Variants in MAST4 observed in about 807,000 individuals in gnomAD.
The protein encoded by MAST4 is microtubule-associated serine/threonine-protein kinase 4.
In MAST4, 89 loss-of-function variants were observed where a neutral mutation model predicts 162.7. That is an observed-to-expected ratio of 0.55 (90% CI 0.46 to 0.65). MAST4 has a LOEUF of 0.65. MAST4 is among the 30% of genes least tolerant of loss of function. The pLI is 0.00. For missense variants in MAST4, 3,153 were observed against 3,374.0 expected, an observed-to-expected ratio of 0.93 and a Z score of 1.62; for synonymous variants, 1,479 against 1,361.1, an observed-to-expected ratio of 1.09 and a Z score of -1.91.
intron 16 of MAST4, among the ~76,000 whole-genome samples, chr5:67,132,811 A>AG (rs949654835): frequency 9.2e-5 from 14 of 152,094 alleles, no homozygotes; most frequent in Admixed American, 2.6e-4. Context: ...TGAAAAATGC[A>AG]GGGGAAAAAA....
At chr5:67,108,498 G>A (rs1765843956) in intron 10 of MAST4, among the ~76,000 whole-genome samples, 1 of 152,084 alleles carries the variant, frequency 6.6e-6, no homozygotes, top group African/African-American at 2.4e-5. Context: ...TTTAAAGACA[G>A]TTTCAATATT....
intron 3 of MAST4, among the ~76,000 whole-genome samples, chr5:66,844,929 G>A (rs943919655): frequency 1.3e-5 from 2 of 151,384 alleles, no homozygotes; most frequent in African/African-American, 4.9e-5. Flanking sequence ...GGAGAGAGAA[G>A]GATGCAAATG....
chr5:66,705,642 G>T (rs1750080581), intron 1 of MAST4, among the ~76,000 whole-genome samples: 1 of 152,042 alleles, frequency 6.6e-6, no homozygotes, highest in South Asian at 2.1e-4. Context: ...CCATATGCCT[G>T]GCACTTAACT....
chr5:66,603,317 G>A (rs1742670547), intron 1 of MAST4, among the ~76,000 whole-genome samples: 1 of 152,186 alleles, frequency 6.6e-6, no homozygotes, highest in Non-Finnish European at 1.5e-5. Flanking sequence ...CCTGTTCTTA[G>A]TGATCAGTTA....
intron 1 of MAST4, among the ~76,000 whole-genome samples, chr5:66,754,260 A>G (rs1753384073): frequency 6.6e-6 from 1 of 152,190 alleles, no homozygotes; most frequent in African/African-American, 2.4e-5. Flanking sequence ...TTGGACAAAT[A>G]TATATGCTAG....
At chr5:66,835,048 C>G (rs558586600) in intron 3 of MAST4, among the ~76,000 whole-genome samples, 2 of 152,168 alleles carry the variant, frequency 1.3e-5, no homozygotes, top group Non-Finnish European at 1.5e-5. Flanking sequence ...GCACCTACAC[C>G]ACCCATCTCT....
chr5:66,745,735 A>G (rs540567829), intron 1 of MAST4, among the ~76,000 whole-genome samples: 1 of 152,288 alleles, frequency 6.6e-6, no homozygotes, highest in Admixed American at 6.5e-5. Context: ...TGTTGTCTTA[A>G]TGGTTGTGGT....
chr5:67,165,709 A>T lies in MAST4; in HGVS notation c.6530A>T (p.Gln2177Leu), dbSNP rs773549953. ...PSTAEPSSSP[Q>L]DPPKPVAAHS... is the part of the protein sequence containing the mutation. ...ACTGCAGAGCCCAGCTCGAGCCCCC[A>T]GGACCCTCCCAAGCCTGTTGCTGCG... Residue 2177 changes from glutamine to leucine, a missense_variant, in exon 29 of 29, where the codon CAG becomes CTG. Gln to Leu is a moderately radical substitution (Grantham distance 113, BLOSUM62 -2). This residue lies in a region of MAST4 where 1,644 missense variants were observed against 1,495.0 expected (regional missense o/e 1.10). Transcript: ENST00000403625. 1 of 1,577,470 alleles carries T rather than the reference A, an allele frequency of 6.3e-7. No individual in the cohort carries two copies. The highest frequency in any genetic ancestry group is 1.4e-5 in the African/African-American group (1 of 73,800).
At chr5:67,044,837 G>C (rs1031660562) in intron 4 of MAST4, among the ~76,000 whole-genome samples, 2 of 152,122 alleles carry the variant, frequency 1.3e-5, no homozygotes, top group African/African-American at 4.8e-5. Flanking sequence ...ACTTGACTTC[G>C]ATCATTGTGT....
At chr5:66,783,293 CTT>C (rs907583934) in intron 2 of MAST4, 1 of 152,068 alleles carries the variant, frequency 6.6e-6, no homozygotes, top group African/African-American at 2.4e-5. Context: ...ATTTTTTAAG[CTT>C]ATATTTATTG....
intron 3 of MAST4, among the ~76,000 whole-genome samples, chr5:66,800,548 G>T (rs1350983195): frequency 6.6e-6 from 1 of 152,132 alleles, no homozygotes; most frequent in African/African-American, 2.4e-5. Context: ...GCTTGAGGGT[G>T]GAGGGTGGGA....
At chr5:66,620,710 C>T (rs938534794) in intron 1 of MAST4, among the ~76,000 whole-genome samples, 9 of 151,514 alleles carry the variant, frequency 5.9e-5, no homozygotes, top group Non-Finnish European at 1.0e-4. Context: ...ATCTTTTTTT[C>T]GTCCTGCCTC....
chr5:66,869,795 C>A (rs572602237), intron 3 of MAST4, among the ~76,000 whole-genome samples: 3 of 152,294 alleles, frequency 2.0e-5, no homozygotes, highest in Non-Finnish European at 2.9e-5. Flanking sequence ...ATCTGAGGGT[C>A]ATTTCGCTGC....
intron 23 of MAST4, among the ~76,000 whole-genome samples, chr5:67,146,406 A>G (rs531145766): frequency 1.3e-4 from 20 of 152,372 alleles, no homozygotes; most frequent in African/African-American, 4.6e-4. Flanking sequence ...TAAAAATTTT[A>G]TGCACAGCAT....
At chr5:66,832,436 C>A (rs1295451376) in intron 3 of MAST4, among the ~76,000 whole-genome samples, 4 of 152,056 alleles carry the variant, frequency 2.6e-5, no homozygotes, top group African/African-American at 7.2e-5. Context: ...CACCCCTGTC[C>A]CCTGCCCTTC....
rs755738339 is a variant in MAST4 at position 67,104,449 on chromosome 5, G to T, written c.1230G>T (p.Val410=). 6.2e-7 allele frequency: 1 copy of T among 1,613,884 alleles called. No homozygotes were observed. Among genetic ancestry groups the T allele is most frequent in the Admixed American group, 1.7e-5 (1 of 60,016 alleles). ...PDNVLPLADG[V]LSFTHHQIIE... Reference sequence around the variant, plus strand: ...ACGTTCTACCCTTAGCAGATGGAGTGCTTAGTTTCACTCACCACCAGATTA... The same window carrying T: ...ACGTTCTACCCTTAGCAGATGGAGTTCTTAGTTTCACTCACCACCAGATTA... The change falls in exon 10 of 29, where the codon GTG becomes GTT. Residue 410 remains valine (V), a synonymous_variant. Transcript: ENST00000403625.
At position 66,676,520 on chromosome 5, in the gene MAST4, C is replaced by T. The variant is rs148545956; in HGVS notation, c.363+79502C>T. 5.1e-4 allele frequency among the ~76,000 whole-genome samples: 78 copies of T among 152,270 alleles called. 2 individuals carry two copies. Among genetic ancestry groups the T allele is most frequent in the African/African-American group, 1.8e-3 (73 of 41,540 alleles). On this transcript the variant is annotated intron_variant, in intron 1 of 28. Transcript: ENST00000403625. Reference sequence around the variant, plus strand: ...ATCTTCATGGGGTTAGTGAAAGACTCAGAATAGCTTTCAGACCTGGGAATA... The same window carrying T: ...ATCTTCATGGGGTTAGTGAAAGACTTAGAATAGCTTTCAGACCTGGGAATA...
chr5:67,127,288 G>A (rs1171565210), intron 14 of MAST4, among the ~76,000 whole-genome samples: 3 of 152,192 alleles, frequency 2.0e-5, no homozygotes, highest in Non-Finnish European at 4.4e-5. Flanking sequence ...GGAGTGGTGA[G>A]AGTGGACATC....
intron 4 of MAST4, among the ~76,000 whole-genome samples, chr5:66,916,623 G>A (rs1348957069): frequency 6.6e-6 from 1 of 152,128 alleles, no homozygotes; most frequent in African/African-American, 2.4e-5. Context: ...TTAGACTGGT[G>A]TGTATTCTTC....
Sources: allele counts gnomAD v4.1 joint callset (sites outside exome capture counted in the v4.1 genomes callset), GRCh38; gene constraint gnomAD v4.1.1; regional missense constraint gnomAD v4.1.1; transcripts MANE v1.5; gene names NCBI Gene and HGNC (gene_info 2026-07-23, HGNC 2026-07-21).